Variants in TFDP2 observed in about 807,000 individuals in gnomAD.
The protein encoded by TFDP2 is transcription factor Dp-2, also known as transcription factor Dp-2 (E2F dimerization partner 2).
TFDP2 carries 17 observed loss-of-function variants against 59.3 expected under a neutral mutation model. The observed-to-expected ratio is 0.29, with a 90% CI of 0.20 to 0.43. The LOEUF is 0.43. Ranked by LOEUF, TFDP2 falls within the 20% of genes least tolerant of loss-of-function variation. TFDP2 has a pLI of 1.00. For synonymous variants in TFDP2, 180 were observed against 194.7 expected (o/e 0.92, Z 0.63); for missense variants, 391 against 528.8 (o/e 0.74, Z 2.56).
intron 9 of TFDP2, among the ~76,000 whole-genome samples, chr3:141,969,244 TA>T (rs1467344435): frequency 6.4e-5 from 7 of 109,662 alleles, no homozygotes; most frequent in African/African-American, 2.4e-4. Flanking sequence ...TATATATATA[TA>T]TAACATATAT....
chr3:142,072,359 T>C (rs1426882876), intron 3 of TFDP2, among the ~76,000 whole-genome samples: 2 of 152,210 alleles, frequency 1.3e-5, no homozygotes, highest in Non-Finnish European at 2.9e-5. Context: ...TACATTTTAG[T>C]CCTCCAGAGC....
At chr3:141,956,533 C>G (rs1936684189) in intron 11 of TFDP2, among the ~76,000 whole-genome samples, 1 of 151,326 alleles carries the variant, frequency 6.6e-6, no homozygotes, top group Non-Finnish European at 1.5e-5. Flanking sequence ...GCCTGGGTAA[C>G]AGAGAGAGAC....
chr3:141,973,887 TA>T (rs1454602700), intron 8 of TFDP2, among the ~76,000 whole-genome samples, 160 bp downstream of exon 8: 1 of 152,164 alleles, frequency 6.6e-6, no homozygotes, highest in East Asian at 1.9e-4. Flanking sequence ...ACTATACCTA[TA>T]AGGCGCCTTC....
intron 3 of TFDP2, among the ~76,000 whole-genome samples, chr3:142,081,772 GA>G (rs2060645498): frequency 6.6e-6 from 1 of 152,090 alleles, no homozygotes; most frequent in African/African-American, 2.4e-5. Context: ...TACCAACACT[GA>G]ACCATAAAGT....
intron 11 of TFDP2, among the ~76,000 whole-genome samples, chr3:141,953,730 G>C (rs945799219): frequency 9.9e-5 from 15 of 150,790 alleles, no homozygotes; most frequent in African/African-American, 2.4e-5. Flanking sequence ...GTGCTGCACC[G>C]ATTAACTCGT....
chr3:142,131,090 C>CTA (rs1435236140), intron 1 of TFDP2, among the ~76,000 whole-genome samples: 2 of 147,316 alleles, frequency 1.4e-5, no homozygotes, highest in East Asian at 3.9e-4. Context: ...AATACAATTG[C>CTA]TATTTACAAG....
chr3:142,052,354 G>A (rs1433867410), intron 3 of TFDP2, among the ~76,000 whole-genome samples: 2 of 148,648 alleles, frequency 1.3e-5, no homozygotes, highest in African/African-American at 5.0e-5. Context: ...TGGCTAACAC[G>A]GTGAAACCCT....
intron 1 of TFDP2, among the ~76,000 whole-genome samples, chr3:142,120,079 A>G (rs1403295687): frequency 6.8e-6 from 1 of 147,652 alleles, no homozygotes; most frequent in African/African-American, 2.5e-5. Flanking sequence ...AAGAAAAAAG[A>G]AGGCTGGGCG....
At chr3:142,095,995 A>G (rs943236586) in intron 2 of TFDP2, among the ~76,000 whole-genome samples, 1 of 152,224 alleles carries the variant, frequency 6.6e-6, no homozygotes, top group Non-Finnish European at 1.5e-5. Flanking sequence ...CCACATATTC[A>G]TAATAGAGAG....
At chr3:141,990,624 G>C (rs1299365855) in intron 6 of TFDP2, among the ~76,000 whole-genome samples, 1 of 152,098 alleles carries the variant, frequency 6.6e-6, no homozygotes. Flanking sequence ...TTTGGTTTAT[G>C]AACTTATAGA....
intron 3 of TFDP2, among the ~76,000 whole-genome samples, chr3:142,071,685 G>A (rs1031273149): frequency 8.5e-5 from 13 of 152,284 alleles, no homozygotes; most frequent in African/African-American, 3.1e-4. Context: ...GGTGAGGAAG[G>A]CTCAGAGAGT....
At chr3:142,133,914 G>A (rs528377677) in intron 1 of TFDP2, among the ~76,000 whole-genome samples, 1 of 151,774 alleles carries the variant, frequency 6.6e-6, no homozygotes, top group Non-Finnish European at 1.5e-5. Context: ...TTGAGGGCAG[G>A]GCACGGTGGC....
intron 3 of TFDP2, chr3:142,043,484 C>T: frequency 6.7e-6 from 3 of 446,096 alleles, no homozygotes; most frequent in Admixed American, 6.8e-5. Flanking sequence ...CTGCCTCAGC[C>T]TCCCAAGTAG....
chr3:142,113,805 A>G (rs1237296762), intron 1 of TFDP2, among the ~76,000 whole-genome samples: 1 of 152,210 alleles, frequency 6.6e-6, no homozygotes, highest in Non-Finnish European at 1.5e-5. Flanking sequence ...CTATATTCAA[A>G]TGAAAATGAA....
chr3:142,093,047 T>A lies in TFDP2; in HGVS notation c.82+14A>T. On this transcript the variant is annotated intron_variant, in intron 3 of 12. Coordinates refer to ENST00000489671, the MANE Select transcript of TFDP2 (RefSeq NM_001178139.2). ...CTAACTTAATTCAGAAAAATTTTAT[T>A]CAATAATCCTTACCTTTTGTTGGAC... 6.6e-7 allele frequency: 1 copy of A among 1,510,936 alleles called. No homozygotes were observed. Among genetic ancestry groups the A allele is most frequent in the Middle Eastern group, 1.7e-4 (1 of 5,856 alleles). The allele number at this position is 1,510,936 out of a possible 1,614,324, so 93.6% of individuals were successfully genotyped here. A position where few individuals can be genotyped will look rare whatever the true frequency, so the allele number is the denominator to read the frequency against.
At chr3:142,031,550 G>A (rs1946433484) in intron 3 of TFDP2, among the ~76,000 whole-genome samples, 1 of 152,058 alleles carries the variant, frequency 6.6e-6, no homozygotes, top group Non-Finnish European at 1.5e-5. Flanking sequence ...CACAGTGTGG[G>A]GAAAGTAATA....
chr3:142,012,395 G>C (rs948076662), intron 3 of TFDP2, among the ~76,000 whole-genome samples: 3 of 152,160 alleles, frequency 2.0e-5, no homozygotes, highest in Non-Finnish European at 2.9e-5. Context: ...TCTGGCTTCT[G>C]TGACATCATG....
At chr3:142,110,397 G>A (rs921792274) in intron 1 of TFDP2, among the ~76,000 whole-genome samples, 1 of 152,024 alleles carries the variant, frequency 6.6e-6, no homozygotes, top group African/African-American at 2.4e-5. Flanking sequence ...CCAGCTACTT[G>A]GGAGGCTGAG....
intron 3 of TFDP2, among the ~76,000 whole-genome samples, chr3:142,086,273 T>C (rs1336532886): frequency 6.6e-6 from 1 of 152,212 alleles, no homozygotes; most frequent in Non-Finnish European, 1.5e-5. Flanking sequence ...GATTTCTCCC[T>C]ACTAGCAAAA....
Sources: gnomAD v4.1 joint callset for allele counts (sites outside exome capture counted in the v4.1 genomes callset) on GRCh38, gnomAD v4.1.1 for gene constraint, MANE v1.5 for transcripts, NCBI Gene and HGNC (gene_info 2026-07-23, HGNC 2026-07-21) for gene names.